DPH6: variants seen among roughly 807,000 people sequenced by gnomAD.
The protein encoded by DPH6 is diphthine--ammonia ligase.
A neutral mutation model predicts 38.2 loss-of-function variants in DPH6; 33 were observed. The ratio of observed to expected loss-of-function variants is 0.86; its 90% CI spans 0.65 to 1.15. DPH6 has a LOEUF of 1.15. DPH6 is among the 50% of genes most tolerant of loss of function. DPH6 has a pLI of 0.00. For synonymous variants in DPH6, 108 were observed against 103.0 expected (o/e 1.05, Z -0.30); for missense variants, 325 against 320.0 (o/e 1.02, Z -0.12).
Position 35,542,498 on chromosome 15 carries a change from C to A in DPH6, c.33G>T (p.Lys11Asn). The change falls in exon 2 of 9, where the codon AAG (lysine) becomes AAT (asparagine). Residue 11 changes from lysine to asparagine, a missense_variant. Physicochemically the swap from Lys to Asn is moderately conservative, Grantham distance 94 (BLOSUM62 0). Coordinates refer to ENST00000256538, the MANE Select transcript of DPH6 (RefSeq NM_080650.4). ...ACTGCATCATATTATAGCAGCTGTC[C>A]TTCCCACCACTAAACAATAAATCAA... Reference protein sequence around the residue: MRVAALISGGKDSCYNMMQCI... With the variant: MRVAALISGGNDSCYNMMQCI... 1.3e-6 allele frequency: 2 copies of A among 1,550,408 alleles called. No individual in the cohort carries two copies. The highest frequency in any genetic ancestry group is 1.8e-6 in the Non-Finnish European group (2 of 1,131,792).
intron 5 of DPH6, among the ~76,000 whole-genome samples, chr15:35,439,231 A>T (rs907563265): frequency 5.3e-5 from 8 of 152,244 alleles, no homozygotes; most frequent in Non-Finnish European, 1.0e-4. Flanking sequence ...GGACCGAACT[A>T]ATGAAAAACT....
intron 3 of DPH6, among the ~76,000 whole-genome samples, chr15:35,501,128 CTTCCCTTT>C (rs2054621262): frequency 6.6e-6 from 1 of 152,180 alleles, no homozygotes; most frequent in Non-Finnish European, 1.5e-5. Context: ...TCATTTACTT[CTTCCCTTT>C]TTCCCATCTC....
chr15:35,332,824 G>A (rs962870658), intron 3 of DPH6, among the ~76,000 whole-genome samples: 4 of 151,924 alleles, frequency 2.6e-5, no homozygotes, highest in Non-Finnish European at 5.9e-5. Context: ...AATTGTATGT[G>A]CATGCACATA....
the DPH6 span, among the ~76,000 whole-genome samples, chr15:35,153,929 TTAG>T: frequency 2.4e-3 from 358 of 152,008 alleles, 3 homozygotes; most frequent in African/African-American, 8.3e-3. Flanking sequence ...ACCAAGGAAA[TTAG>T]TAGAAAAATT....
intron 3 of DPH6, among the ~76,000 whole-genome samples, chr15:35,315,264 G>C (rs112541880): frequency 0.022 from 3,308 of 152,256 alleles, 47 homozygotes; most frequent in African/African-American, 0.042. Flanking sequence ...ACCTTTTGCA[G>C]GGAAAATGCT....
At chr15:35,503,995 T>C (rs1005117245) in intron 3 of DPH6, among the ~76,000 whole-genome samples, 5 of 152,136 alleles carry the variant, frequency 3.3e-5, no homozygotes, top group Non-Finnish European at 7.4e-5. Context: ...CTACCATCAA[T>C]TTATCCAGTC....
At chr15:35,224,106 T>TG (rs1421757719) in intron 3 of DPH6, among the ~76,000 whole-genome samples, 2 of 129,430 alleles carry the variant, frequency 1.5e-5, no homozygotes, top group African/African-American at 3.9e-5. Context: ...TTTAGTTTTT[T>TG]TTTTTTTTTT....
At chr15:35,510,428 T>C (rs1052620531) in intron 3 of DPH6, among the ~76,000 whole-genome samples, 1 of 152,176 alleles carries the variant, frequency 6.6e-6, no homozygotes, top group Admixed American at 6.5e-5. Context: ...TTAAAAGACA[T>C]AAAAGACATC....
intron 3 of DPH6, among the ~76,000 whole-genome samples, chr15:35,264,191 C>T (rs1241665490): frequency 1.3e-5 from 2 of 151,806 alleles, no homozygotes; most frequent in African/African-American, 2.4e-5. Flanking sequence ...GAGGAAGGAG[C>T]ACAATCTATC....
chr15:35,376,028 A>C (rs977973850), intron 7 of DPH6, among the ~76,000 whole-genome samples: 1 of 152,082 alleles, frequency 6.6e-6, no homozygotes, highest in Non-Finnish European at 1.5e-5. Context: ...TGTTATTTCC[A>C]TGAAGCCTTC....
chr15:35,518,815 T>TA (rs1840652707), intron 3 of DPH6, among the ~76,000 whole-genome samples: 1 of 151,854 alleles, frequency 6.6e-6, no homozygotes, highest in Non-Finnish European at 1.5e-5. Context: ...GTTTTGGAAA[T>TA]AAAGTTACCA....
the DPH6 span, among the ~76,000 whole-genome samples, chr15:35,207,038 C>CA: frequency 1.3e-5 from 1 of 74,076 alleles, no homozygotes; most frequent in African/African-American, 5.2e-5. Context: ...TTTAGTAAAG[C>CA]TTTTTTTTTT....
At chr15:35,330,622 C>T (rs191194867), downstream of DPH6, among the ~76,000 whole-genome samples, 1 of 152,202 alleles carries the variant, frequency 6.6e-6, no homozygotes, top group East Asian at 1.9e-4. Context: ...ACAACCTACC[C>T]GGCATACATA....
intron 3 of DPH6, among the ~76,000 whole-genome samples, chr15:35,269,442 G>A (rs1056541412): frequency 2.1e-4 from 32 of 151,942 alleles, no homozygotes; most frequent in Admixed American, 1.3e-4. Flanking sequence ...ACCTATTTCC[G>A]TGAATTTTAG....
At chr15:35,261,949 A>T (rs2051749877) in intron 3 of DPH6, among the ~76,000 whole-genome samples, 1 of 152,210 alleles carries the variant, frequency 6.6e-6, no homozygotes, top group Non-Finnish European at 1.5e-5. Flanking sequence ...TAGTAAAGAG[A>T]AGTAACTACT....
At chr15:35,257,035 CAG>C (rs936769700) in intron 3 of DPH6, among the ~76,000 whole-genome samples, 3 of 152,100 alleles carry the variant, frequency 2.0e-5, no homozygotes, top group African/African-American at 4.8e-5. Flanking sequence ...TTGATAGTGA[CAG>C]GGGAGTGCTG....
chr15:35,450,893 C>T (rs1595376501), intron 4 of DPH6, 90 bp from the exon 5 acceptor site: 1 of 1,048,344 alleles, frequency 9.5e-7, no homozygotes. Flanking sequence ...AAACATAATG[C>T]TTCGTTCAAG....
the DPH6 span, among the ~76,000 whole-genome samples, chr15:35,185,461 T>C: frequency 0.029 from 4,368 of 152,216 alleles, 289 homozygotes; most frequent in East Asian, 0.3. Context: ...TACAGCAATA[T>C]AGAATTAACT....
At chr15:35,369,501 G>A (rs1296351345), downstream of DPH6, among the ~76,000 whole-genome samples, 5 of 151,358 alleles carry the variant, frequency 3.3e-5, no homozygotes, top group Non-Finnish European at 7.4e-5. Context: ...TCTACCATGT[G>A]GGTTAGTTTA....
Sources: allele counts gnomAD v4.1 joint callset (sites outside exome capture counted in the v4.1 genomes callset), GRCh38; gene constraint gnomAD v4.1.1; transcripts MANE v1.5; gene names NCBI Gene and HGNC (gene_info 2026-07-23, HGNC 2026-07-21).